Variants in HNF1B observed in about 807,000 individuals in gnomAD.
HNF1B encodes HNF1 homeobox B, also known as hepatocyte nuclear factor 1-beta.
Under a neutral mutation model 61.7 loss-of-function variants are expected in HNF1B, and 8 were observed. The ratio of observed to expected loss-of-function variants is 0.13; its 90% CI spans 0.08 to 0.23. HNF1B has a LOEUF of 0.23. Among genes scored for constraint, HNF1B ranks in the 10% least tolerant of loss-of-function variants. The probability of loss-of-function intolerance (pLI) is 1.00; values close to 1 mark genes in which losing one functional copy is unlikely to be tolerated. For synonymous variants in HNF1B, 314 were observed against 287.7 expected (o/e 1.09, Z -0.93); for missense variants, 562 against 714.5 (o/e 0.79, Z 2.43).
chr17:37,719,612 T>A (rs1331090418), intron 4 of HNF1B, among the ~76,000 whole-genome samples: 2 of 152,190 alleles, frequency 1.3e-5, no homozygotes, highest in African/African-American at 4.8e-5. Flanking sequence ...CAGGCAGAGA[T>A]AATATGGCTG....
At chr17:37,697,170 T>C (rs2032412223) in intron 8 of HNF1B, among the ~76,000 whole-genome samples, 1 of 152,238 alleles carries the variant, frequency 6.6e-6, no homozygotes, top group African/African-American at 2.4e-5. Context: ...TTTATTTCTT[T>C]GTACTTAGGA....
At chr17:37,699,410 G>GA (rs1189439669) in intron 7 of HNF1B, among the ~76,000 whole-genome samples, 8 of 132,896 alleles carry the variant, frequency 6.0e-5, no homozygotes, top group Non-Finnish European at 9.6e-5. Flanking sequence ...GGCTGTGAGG[G>GA]AGAGACCACC....
intron 8 of HNF1B, among the ~76,000 whole-genome samples, chr17:37,690,705 G>A (rs1406912169): frequency 6.6e-6 from 1 of 152,214 alleles, no homozygotes; most frequent in Non-Finnish European, 1.5e-5. Context: ...TTTTGGAAAT[G>A]GAGAAGCCCA....
intron 1 of HNF1B, 87 bp downstream of exon 1, chr17:37,744,454 G>A: frequency 7.3e-7 from 1 of 1,361,522 alleles, no homozygotes; most frequent in East Asian, 2.3e-5. Flanking sequence ...CGGGCTTGGC[G>A]AGTGTGGTCG....
rs1274174954 is a variant in HNF1B, at chr17:37,686,898, T to C, written c.*474A>G. The C allele has an allele frequency of 3.2e-6, 1 of 315,636 alleles. No homozygotes were observed. Among genetic ancestry groups the C allele is most frequent in the Non-Finnish European group, 6.1e-6 (1 of 163,572 alleles). 19.6% of individuals were successfully genotyped at this position (315,636 alleles called of 1,614,324 possible). On this transcript the variant is annotated 3_prime_UTR_variant, in exon 9 of 9. Coordinates refer to ENST00000617811, the MANE Select transcript of HNF1B (RefSeq NM_000458.4). The stretch of plus-strand genomic sequence containing the variant: ...TATAGTTTACAGCCATTGGACAAAT[T>C]TACTTCTTTAAAAGAAATCTCAAGA...
intron 4 of HNF1B, 32 bp from the exon 5 acceptor site, chr17:37,710,695 T>C: frequency 6.2e-7 from 1 of 1,603,494 alleles, no homozygotes; most frequent in South Asian, 1.1e-5. Flanking sequence ...GTAGGGAACA[T>C]TAGTGCCACC....
At chr17:37,698,041 G>A (rs1243045982) in intron 8 of HNF1B, among the ~76,000 whole-genome samples, 1 of 139,126 alleles carries the variant, frequency 7.2e-6, no homozygotes. Flanking sequence ...GAAGGAGATC[G>A]GGGCAAAGGA....
At chr17:37,699,246 C>A (rs780848821) in intron 7 of HNF1B, 52 bp from the exon 8 acceptor site, 9 of 1,364,074 alleles carry the variant, frequency 6.6e-6, no homozygotes, top group African/African-American at 1.4e-5. Context: ...GGCAAAGACA[C>A]AGGTACAGAG....
chr17:37,689,235 C>T (rs1483757581), intron 8 of HNF1B, among the ~76,000 whole-genome samples: 3 of 151,664 alleles, frequency 2.0e-5, no homozygotes, highest in African/African-American at 7.3e-5. Context: ...ATTCTTGAGA[C>T]GTTGGTCAGG....
At chr17:37,734,572 C>T (rs1196259276) in intron 2 of HNF1B, among the ~76,000 whole-genome samples, 1 of 152,116 alleles carries the variant, frequency 6.6e-6, no homozygotes, top group Non-Finnish European at 1.5e-5. Context: ...AGAGGTGATG[C>T]CTTAGCCCAC....
chr17:37,687,543 C>T (rs918992586), intron 8 of HNF1B, 151 bp from the exon 9 acceptor site: 92 of 714,200 alleles, frequency 1.3e-4, no homozygotes, highest in Non-Finnish European at 2.1e-4. Flanking sequence ...CTCAGTTCTG[C>T]AGTTTTCATG....
At chr17:37,707,229 C>T (rs908771026) in intron 5 of HNF1B, among the ~76,000 whole-genome samples, 1 of 151,826 alleles carries the variant, frequency 6.6e-6, no homozygotes, top group Admixed American at 6.6e-5. Context: ...GATCTTGTCA[C>T]CTCAACCTCT....
chr17:37,727,441 G>C (rs1188249432), intron 4 of HNF1B, among the ~76,000 whole-genome samples: 2 of 152,200 alleles, frequency 1.3e-5, no homozygotes, highest in African/African-American at 4.8e-5. Context: ...GACACTCCCT[G>C]GAAAGATGAA....
In HNF1B at chr17:37,744,961, C is replaced by G; in HGVS notation, c.-77G>C. On this transcript the variant is annotated 5_prime_UTR_variant, in exon 1 of 9. Transcript: ENST00000617811. ...GGAGGGTGGAGGGGAGTTTCACAAGCAAACCCCAAATCCAGGAACCCCTCC... is the reference window on the plus strand; with the variant it reads ...GGAGGGTGGAGGGGAGTTTCACAAGGAAACCCCAAATCCAGGAACCCCTCC... 1 of 1,276,898 alleles carries G rather than the reference C, an allele frequency of 7.8e-7. No individual in the cohort carries two copies. The highest frequency in any genetic ancestry group is 1.3e-5 in the South Asian group (1 of 76,620). The allele number at this position is 1,276,898 out of a possible 1,614,324, so 79.1% of individuals were successfully genotyped here.
chr17:37,721,717 CTCT>C (rs1236224938), intron 4 of HNF1B, among the ~76,000 whole-genome samples: 5 of 120,934 alleles, frequency 4.1e-5, no homozygotes, highest in Non-Finnish European at 7.7e-5. Context: ...AAATCTCTCT[CTCT>C]TTTTTTTTTT....
At chr17:37,729,536 C>T (rs970245166) in intron 4 of HNF1B, 3 of 152,080 alleles carry the variant, frequency 2.0e-5, no homozygotes, top group African/African-American at 7.2e-5. Flanking sequence ...TCTATTACAC[C>T]GCAGAAAGAT....
chr17:37,701,484 G>A (rs1036020040), intron 6 of HNF1B, among the ~76,000 whole-genome samples: 4 of 152,238 alleles, frequency 2.6e-5, no homozygotes, highest in Non-Finnish European at 5.9e-5. Flanking sequence ...CTTTGGAAAA[G>A]CTGGCTCTAC....
At position 37,710,621 on chromosome 17, in the gene HNF1B, G is replaced by A. The variant is rs2032902581; in HGVS notation, c.1088C>T (p.Ser363Phe). ...SQQGNNEITSSSTISHHGNSA... is the reference protein window; with the variant it reads ...SQQGNNEITSFSTISHHGNSA... The stretch of plus-strand genomic sequence containing the variant: ...GTTGCCATGGTGACTGATTGTTGAG[G>A]AGGAAGTGATCTCATTGTTTCCCTG... Residue 363 changes from serine to phenylalanine, a missense_variant, in exon 5 of 9, where the codon TCC becomes TTC. Around this residue, in one of 6 missense-constraint regions of HNF1B, gnomAD observed 211 missense variants for 200.7 expected, o/e 1.05. Transcript: ENST00000617811. The A allele has an allele frequency of 1.9e-6, 3 of 1,614,120 alleles. No individual in the cohort carries two copies. Among genetic ancestry groups the A allele is most frequent in the Non-Finnish European group, 2.5e-6 (3 of 1,180,004 alleles).
At chr17:37,719,320 C>G (rs932359444) in intron 4 of HNF1B, among the ~76,000 whole-genome samples, 1 of 152,112 alleles carries the variant, frequency 6.6e-6, no homozygotes, top group Non-Finnish European at 1.5e-5. Flanking sequence ...AAAATACAAT[C>G]AAAATTGAAG....
Sources: allele counts gnomAD v4.1 joint callset (sites outside exome capture counted in the v4.1 genomes callset), GRCh38; gene constraint gnomAD v4.1.1; regional missense constraint gnomAD v4.1.1; transcripts MANE v1.5; gene names NCBI Gene and HGNC (gene_info 2026-07-23, HGNC 2026-07-21).